KIFAP3: variants seen among roughly 807,000 people sequenced by gnomAD.
KIFAP3 encodes the protein kinesin associated protein 3.
In KIFAP3, 68 loss-of-function variants were observed where a neutral mutation model predicts 106.5. That is an observed-to-expected ratio of 0.64 (90% CI 0.53 to 0.78). The LOEUF is 0.78. Ranked by LOEUF, KIFAP3 falls within the 30% of genes least tolerant of loss-of-function variation. KIFAP3 has a pLI of 0.00. For missense variants in KIFAP3, 780 were observed against 941.8 expected (o/e 0.83, Z 2.25); for synonymous variants, 320 against 311.5 (o/e 1.03, Z -0.29).
chr1:170,079,392 A>T (rs1327787609), upstream of KIFAP3, among the ~76,000 whole-genome samples: 1 of 152,222 alleles, frequency 6.6e-6, no homozygotes, highest in Non-Finnish European at 1.5e-5. Context: ...TTTATAAATT[A>T]CATAATCTCA....
At chr1:170,074,734 T>C, upstream of KIFAP3, 1 of 1,348,320 alleles carries the variant, frequency 7.4e-7, no homozygotes, top group East Asian at 3.0e-5. Flanking sequence ...GCTCTGCACC[T>C]CTTGTATGCG....
At position 169,983,398 on chromosome 1, in the gene KIFAP3, C is replaced by G; in HGVS notation, c.1394-16G>C. The G allele has an allele frequency of 2.6e-6, 4 of 1,536,592 alleles. No homozygotes were observed. The highest frequency in any genetic ancestry group is 3.6e-6 in the Non-Finnish European group (4 of 1,117,896). ...AGCCCATTTCCTGAAACAGAAAAGT[C>G]CCCCAATAAAATTAAGGTTAGCTTA... is the stretch of plus-strand genomic sequence containing the variant. On this transcript the variant is annotated splice_polypyrimidine_tract_variant and intron_variant, in intron 12 of 19. Transcript: ENST00000361580.
chr1:170,022,680 G>T (rs761590191), intron 9 of KIFAP3, among the ~76,000 whole-genome samples: 2 of 152,068 alleles, frequency 1.3e-5, no homozygotes, highest in Non-Finnish European at 2.9e-5. Flanking sequence ...ACAATAAAAG[G>T]TAAAATCCAT....
chr1:169,925,211 T>C lies in KIFAP3; in HGVS notation c.2274-3430A>G, dbSNP rs530546938. Among the ~76,000 whole-genome samples, 102 of 152,258 alleles carry C rather than the reference T, an allele frequency of 6.7e-4. 7 individuals carry two copies. The South Asian group carries it at 0.021, about 31-fold the overall frequency. ...TTATAGGATTACTTATTTAGTGCCA[T>C]TTCACCTTTTTCCTTCGTATTCAGA... On this transcript the variant is annotated intron_variant, in intron 19 of 19. Coordinates refer to ENST00000361580, the MANE Select transcript of KIFAP3 (RefSeq NM_014970.4).
intron 2 of KIFAP3, among the ~76,000 whole-genome samples, chr1:170,053,576 C>T (rs544728406): frequency 1.3e-5 from 2 of 152,050 alleles, no homozygotes; most frequent in African/African-American, 4.8e-5. Flanking sequence ...AAGCATCATG[C>T]TACCTGACTT....
intron 19 of KIFAP3, among the ~76,000 whole-genome samples, chr1:169,937,570 T>C (rs886790687): frequency 6.6e-6 from 1 of 151,808 alleles, no homozygotes; most frequent in African/African-American, 2.4e-5. Context: ...ACTTAAGCTA[T>C]TGGACTATGA....
chr1:169,972,053 G>A (rs1050368758), intron 17 of KIFAP3, among the ~76,000 whole-genome samples: 3 of 151,772 alleles, frequency 2.0e-5, no homozygotes, highest in East Asian at 3.9e-4. Context: ...ATAACAGTAA[G>A]ATTTTTGTAT....
chr1:169,929,261 AC>A (rs1456440226), intron 19 of KIFAP3, among the ~76,000 whole-genome samples: 1 of 152,238 alleles, frequency 6.6e-6, no homozygotes, highest in African/African-American at 2.4e-5. Context: ...GAAATAATTT[AC>A]AGCTAAATAG....
chr1:170,006,046 A>G (rs1667943855), intron 10 of KIFAP3, among the ~76,000 whole-genome samples: 1 of 152,146 alleles, frequency 6.6e-6, no homozygotes, highest in Non-Finnish European at 1.5e-5. Context: ...TCAAGAAAAT[A>G]TATGTTTATT....
intron 16 of KIFAP3, among the ~76,000 whole-genome samples, chr1:169,975,633 G>A (rs1471485233): frequency 6.7e-6 from 1 of 150,000 alleles, no homozygotes; most frequent in Admixed American, 6.7e-5. Flanking sequence ...TTTTTTTTTA[G>A]AGACAGAGCC....
chr1:170,050,087 G>C (rs1300557200), intron 2 of KIFAP3, among the ~76,000 whole-genome samples: 2 of 152,178 alleles, frequency 1.3e-5, no homozygotes, highest in Middle Eastern at 3.4e-3. Context: ...AGGAAGCTAA[G>C]AACCTTGATA....
At chr1:169,988,824 A>T (rs1175425471) in intron 11 of KIFAP3, among the ~76,000 whole-genome samples, 1 of 152,026 alleles carries the variant, frequency 6.6e-6, no homozygotes, top group South Asian at 2.1e-4. Context: ...TGGATACCAC[A>T]TTAGGAGCAA....
intron 19 of KIFAP3, among the ~76,000 whole-genome samples, chr1:169,931,824 C>T (rs1571512217): frequency 2.6e-5 from 4 of 152,282 alleles, no homozygotes; most frequent in Admixed American, 2.6e-4. Context: ...ACTATACTGT[C>T]TGGTACTGAG....
chr1:169,988,645 A>C (rs1322390498), intron 11 of KIFAP3, among the ~76,000 whole-genome samples: 1 of 152,012 alleles, frequency 6.6e-6, no homozygotes, highest in African/African-American at 2.4e-5. Flanking sequence ...CCTCTAAAGG[A>C]GTACCTTTTT....
intron 8 of KIFAP3, among the ~76,000 whole-genome samples, chr1:170,028,124 T>C (rs1669210468): frequency 1.3e-5 from 2 of 151,984 alleles, no homozygotes; most frequent in South Asian, 4.1e-4. Flanking sequence ...AATTAACCAC[T>C]GGTAAATATG....
At chr1:170,025,719 C>T (rs974232027) in intron 8 of KIFAP3, among the ~76,000 whole-genome samples, 40 of 152,236 alleles carry the variant, frequency 2.6e-4, no homozygotes, top group African/African-American at 9.6e-4. Context: ...AGTGGTAGTG[C>T]TAAATTAAAA....
In KIFAP3 at chr1:169,973,105, G is replaced by GTGTATACATATATATATATA. The variant is rs145406203; in HGVS notation, c.1898-508_1898-507insTATATATATATATGTATACA. On this transcript the variant is annotated intron_variant, in intron 16 of 19. Coordinates refer to ENST00000361580, the MANE Select transcript of KIFAP3 (RefSeq NM_014970.4). ...ATAAAAATAATTTAAAAAATAGTGT[G>GTGTATACATATATATATATA]TATATATATATATATATAAACAACA... 2.2e-5 allele frequency among the ~76,000 whole-genome samples: 2 copies of GTGTATACATATATATATATA among 90,314 alleles called. 1 individual carries two copies. Among genetic ancestry groups the GTGTATACATATATATATATA allele is most frequent in the East Asian group, 8.3e-4 (2 of 2,402 alleles). 59.2% of individuals were successfully genotyped at this position (90,314 alleles called of 152,430 possible). A position where few individuals can be genotyped will look rare whatever the true frequency, so the allele number is the denominator to read the frequency against.
In KIFAP3 at chr1:169,921,756, G is replaced by A; in HGVS notation, c.2299C>T (p.Pro767Ser). The A allele has an allele frequency of 6.2e-7, 1 of 1,613,748 alleles. No individual in the cohort carries two copies. ...GCAGGGCGTCCAAGAATGCCAACTG[G>A]TTGGCCAAAGCCATCCATTCCAAGG... The part of the protein sequence containing the change: ...GSLGMDGFGQ[P>S]VGILGRPATA... Residue 767 changes from proline to serine, a missense_variant, in exon 20 of 20, where the codon CCA becomes TCA. Around this residue, in one of 3 missense-constraint regions of KIFAP3, gnomAD observed 114 missense variants for 122.3 expected, o/e 0.93. Transcript: ENST00000361580.
chr1:169,952,767 T>C (rs1259105646), intron 19 of KIFAP3, among the ~76,000 whole-genome samples: 1 of 152,106 alleles, frequency 6.6e-6, no homozygotes, highest in Non-Finnish European at 1.5e-5. Context: ...TTTTAAAATG[T>C]TGCTGTGCAA....
Sources: gnomAD v4.1 joint callset for allele counts (sites outside exome capture counted in the v4.1 genomes callset) on GRCh38, gnomAD v4.1.1 for gene constraint, gnomAD v4.1.1 regional missense constraint, MANE v1.5 for transcripts, NCBI Gene and HGNC (gene_info 2026-07-23, HGNC 2026-07-21) for gene names.